ST3GAL3: variants seen among roughly 807,000 people sequenced by gnomAD.
ST3GAL3 encodes the protein CMP-N-acetylneuraminate-beta-1,4-galactoside alpha-2,3-sialyltransferase.
In ST3GAL3, 21 loss-of-function variants were observed where a neutral mutation model predicts 50.1. The ratio of observed to expected loss-of-function variants is 0.42; its 90% CI spans 0.30 to 0.60. The LOEUF (loss-of-function observed/expected upper bound fraction) is 0.60, where lower values mean the gene tolerates loss of function less well. ST3GAL3 is among the 20% of genes least tolerant of loss of function. The probability of loss-of-function intolerance (pLI) is 0.19; values close to 1 mark genes in which losing one functional copy is unlikely to be tolerated. For synonymous variants in ST3GAL3, 183 were observed against 190.0 expected (o/e 0.96, Z 0.30); for missense variants, 353 against 489.4 (o/e 0.72, Z 2.63).
intron 11 of ST3GAL3, 158 bp downstream of exon 11, chr1:43,921,086 C>T (rs747662762): frequency 3.4e-6 from 3 of 883,526 alleles, no homozygotes; most frequent in Admixed American, 2.3e-5. Context: ...CAGCCTCCCA[C>T]TGAACCCAGG....
intron 1 of ST3GAL3, among the ~76,000 whole-genome samples, chr1:43,719,556 A>C (rs1456015797): frequency 6.6e-6 from 1 of 151,468 alleles, no homozygotes; most frequent in African/African-American, 2.4e-5. Context: ...TCCCAGCTAC[A>C]TGGGAGGCCG....
intron 4 of ST3GAL3, among the ~76,000 whole-genome samples, chr1:43,816,299 T>C (rs1163641983): frequency 6.6e-6 from 1 of 152,192 alleles, no homozygotes; most frequent in Non-Finnish European, 1.5e-5. Flanking sequence ...GCTTCTTGGC[T>C]CTGGTGCCTC....
chr1:43,856,847 C>G (rs2068483831), intron 5 of ST3GAL3, among the ~76,000 whole-genome samples: 1 of 152,210 alleles, frequency 6.6e-6, no homozygotes, highest in African/African-American at 2.4e-5. Flanking sequence ...ATTTAGCCTG[C>G]CAGTTCCCTA....
At chr1:43,765,809 G>A (rs56352978) in intron 2 of ST3GAL3, among the ~76,000 whole-genome samples, 34,726 of 145,014 alleles carry the variant, frequency 0.24, 4,818 homozygotes, top group Non-Finnish European at 0.31. Context: ...GCGTCCGCGC[G>A]TCCGCGTGCG....
chr1:43,808,286 A>G (rs2060136815), intron 3 of ST3GAL3, among the ~76,000 whole-genome samples: 1 of 143,748 alleles, frequency 7.0e-6, no homozygotes, highest in South Asian at 2.3e-4. Context: ...CCCAGGCGAC[A>G]GTGTGAGACT....
At chr1:43,789,083 T>C (rs1213693516) in intron 2 of ST3GAL3, among the ~76,000 whole-genome samples, 2 of 152,078 alleles carry the variant, frequency 1.3e-5, no homozygotes, top group Non-Finnish European at 2.9e-5. Context: ...GGTAAAGACA[T>C]TGAATGTCAG....
rs564499102 is a variant in ST3GAL3 at position 43,750,847 on chromosome 1, G to T, written c.118+14467G>T. Reference sequence around the variant, plus strand: ...GCTGTGCTCACGCCTCTGCACTCCAGCCTGGCTGATAAAGTGAGTGAGACT... The same window carrying T: ...GCTGTGCTCACGCCTCTGCACTCCATCCTGGCTGATAAAGTGAGTGAGACT... On this transcript the variant is annotated intron_variant, in intron 2 of 11. Transcript: ENST00000347631. Among the ~76,000 whole-genome samples, 275 of 151,960 alleles carry T rather than the reference G, an allele frequency of 1.8e-3. 1 individual carries two copies. The highest frequency in any genetic ancestry group is 2.7e-3 in the Non-Finnish European group (186 of 68,004).
At chr1:43,816,596 T>G (rs1038403155) in intron 4 of ST3GAL3, among the ~76,000 whole-genome samples, 4 of 152,334 alleles carry the variant, frequency 2.6e-5, no homozygotes, top group East Asian at 1.9e-4. Context: ...ATCACACTGA[T>G]GAACAAAAGG....
intron 5 of ST3GAL3, chr1:43,851,012 A>T: frequency 2.4e-6 from 2 of 846,262 alleles, no homozygotes; most frequent in South Asian, 2.6e-5. Flanking sequence ...TCAAATGGGG[A>T]GGGCACCACG....
At chr1:43,840,175 T>C (rs2065141617) in intron 5 of ST3GAL3, 1 of 152,024 alleles carries the variant, frequency 6.6e-6, no homozygotes, top group African/African-American at 2.4e-5. Context: ...TCCAGGCGCA[T>C]GCAACCACAC....
chr1:43,776,187 G>A (rs1697165608), intron 2 of ST3GAL3, among the ~76,000 whole-genome samples: 1 of 152,074 alleles, frequency 6.6e-6, no homozygotes, highest in Admixed American at 6.6e-5. Context: ...AAGAAATCCT[G>A]CAGCCATTTG....
chr1:43,745,157 T>A (rs1010395387), intron 2 of ST3GAL3, among the ~76,000 whole-genome samples: 1 of 152,204 alleles, frequency 6.6e-6, no homozygotes, highest in African/African-American at 2.4e-5. Context: ...TAGGCAAATA[T>A]GACTCTCTTT....
chr1:43,894,203 T>C, intron 5 of ST3GAL3, 180 bp from the exon 6 acceptor site: 2 of 675,126 alleles, frequency 3.0e-6, no homozygotes, highest in South Asian at 3.2e-5. Flanking sequence ...CAGGCTCCAC[T>C]GAACAAGATC....
intron 9 of ST3GAL3, among the ~76,000 whole-genome samples, chr1:43,901,460 T>C (rs1427476741): frequency 1.3e-5 from 2 of 152,190 alleles, no homozygotes; most frequent in African/African-American, 2.4e-5. Flanking sequence ...ATGGGTGTTA[T>C]CACATGTTCC....
intron 4 of ST3GAL3, among the ~76,000 whole-genome samples, chr1:43,821,675 T>C (rs952117967): frequency 1.3e-5 from 2 of 152,118 alleles, no homozygotes; most frequent in African/African-American, 4.8e-5. Flanking sequence ...GCCTGAGAAT[T>C]GACCCCGTCT....
At chr1:43,746,170 C>A (rs1477508044) in intron 2 of ST3GAL3, among the ~76,000 whole-genome samples, 1 of 152,182 alleles carries the variant, frequency 6.6e-6, no homozygotes, top group African/African-American at 2.4e-5. Flanking sequence ...GAAATTTTGA[C>A]ACATGCTGCA....
intron 3 of ST3GAL3, among the ~76,000 whole-genome samples, chr1:43,796,658 A>G (rs2154156853): frequency 6.6e-6 from 1 of 152,362 alleles, no homozygotes; most frequent in South Asian, 2.1e-4. Flanking sequence ...ACTGGATTTA[A>G]ACAAGATGTA....
chr1:43,928,918 A>G (rs1257817083), intron 11 of ST3GAL3, among the ~76,000 whole-genome samples: 1 of 152,244 alleles, frequency 6.6e-6, no homozygotes, highest in Non-Finnish European at 1.5e-5. Flanking sequence ...TCAAAAATAA[A>G]TAAATAGATA....
chr1:43,898,510 C>G (rs1268778582), intron 7 of ST3GAL3: 1 of 638,082 alleles, frequency 1.6e-6, no homozygotes, highest in Admixed American at 2.1e-5. Flanking sequence ...GCAGGACATC[C>G]CAGTCCTCAG....
Sources: gnomAD v4.1 joint callset for allele counts (sites outside exome capture counted in the v4.1 genomes callset) on GRCh38, gnomAD v4.1.1 for gene constraint, MANE v1.5 for transcripts, NCBI Gene and HGNC (gene_info 2026-07-23, HGNC 2026-07-21) for gene names.